ZC3H12C: variants seen among roughly 807,000 people sequenced by gnomAD.
ZC3H12C encodes probable ribonuclease ZC3H12C.
In ZC3H12C, 20 loss-of-function variants were observed where a neutral mutation model predicts 76.3. The observed-to-expected ratio is 0.26, with a 90% CI of 0.18 to 0.38. ZC3H12C has a LOEUF of 0.38. ZC3H12C is among the 10% of genes least tolerant of loss of function. ZC3H12C has a pLI of 1.00. For missense variants in ZC3H12C, 874 were observed against 1,086.5 expected (o/e 0.80, Z 2.75); for synonymous variants, 352 against 399.6 (o/e 0.88, Z 1.42).
At chr11:110,149,775 A>G (rs1470012074) in intron 2 of ZC3H12C, among the ~76,000 whole-genome samples, 2 of 152,174 alleles carry the variant, frequency 1.3e-5, no homozygotes, top group African/African-American at 2.4e-5. Context: ...TGTTCTGAGT[A>G]CTAACCTTCT....
intron 2 of ZC3H12C, among the ~76,000 whole-genome samples, chr11:110,137,941 A>T (rs910240934): frequency 1.5e-4 from 23 of 152,228 alleles, no homozygotes; most frequent in Admixed American, 5.2e-4. Context: ...TGGGGGGAAA[A>T]AAAAGCAAAA....
intron 1 of ZC3H12C, among the ~76,000 whole-genome samples, chr11:110,129,689 C>T (rs1861823869): frequency 6.6e-6 from 1 of 152,124 alleles, no homozygotes; most frequent in Non-Finnish European, 1.5e-5. Context: ...TTAATTTGCA[C>T]TGGAATGAAA....
intron 1 of ZC3H12C, among the ~76,000 whole-genome samples, chr11:110,098,911 G>A (rs966671324): frequency 3.3e-5 from 5 of 152,188 alleles, no homozygotes; most frequent in African/African-American, 7.2e-5. Context: ...AACCTAATAC[G>A]TGTCAATAGA....
At chr11:110,113,186 T>G (rs1464440429) in intron 1 of ZC3H12C, among the ~76,000 whole-genome samples, 1 of 152,088 alleles carries the variant, frequency 6.6e-6, no homozygotes, top group Non-Finnish European at 1.5e-5. Context: ...CTCCAAAGAG[T>G]CGATAGATAG....
chr11:110,165,750 C>G lies in ZC3H12C; in HGVS notation c.*13C>G. The G allele has an allele frequency of 3.8e-6, 6 of 1,559,106 alleles. No individual in the cohort carries two copies. Among genetic ancestry groups the G allele is most frequent in the Non-Finnish European group, 5.2e-6 (6 of 1,151,060 alleles). Reference sequence around the variant, plus strand: ...GCTGGGTTATTGAAAGATGATGCATCTTTGTGGTGTTTAGTAGTTTTTTGT... The same window carrying G: ...GCTGGGTTATTGAAAGATGATGCATGTTTGTGGTGTTTAGTAGTTTTTTGT... On this transcript the variant is annotated 3_prime_UTR_variant, in exon 6 of 6. Coordinates refer to ENST00000278590, the MANE Select transcript of ZC3H12C (RefSeq NM_033390.2).
At chr11:110,149,355 A>T (rs1862228046) in intron 2 of ZC3H12C, among the ~76,000 whole-genome samples, 1 of 152,216 alleles carries the variant, frequency 6.6e-6, no homozygotes, top group African/African-American at 2.4e-5. Flanking sequence ...TGGGAGGAGG[A>T]TGAAAGGCAG....
At chr11:110,139,518 C>T (rs1033079501) in intron 2 of ZC3H12C, among the ~76,000 whole-genome samples, 1 of 152,112 alleles carries the variant, frequency 6.6e-6, no homozygotes, top group Non-Finnish European at 1.5e-5. Flanking sequence ...GAAAGAATCT[C>T]GCCAAGTGTC....
At chr11:110,130,772 A>G (rs2134171045) in intron 1 of ZC3H12C, among the ~76,000 whole-genome samples, 1 of 152,316 alleles carries the variant, frequency 6.6e-6, no homozygotes, top group South Asian at 2.1e-4. Flanking sequence ...TCAGCTTTGT[A>G]TGGCCTATTG....
intron 1 of ZC3H12C, among the ~76,000 whole-genome samples, chr11:110,127,303 A>C (rs1273032462): frequency 6.6e-6 from 1 of 152,232 alleles, no homozygotes; most frequent in Non-Finnish European, 1.5e-5. Context: ...GTTAGTCTTT[A>C]ACACTTTTCA....
chr11:110,103,854 T>C (rs1042974670), intron 1 of ZC3H12C, among the ~76,000 whole-genome samples: 3 of 152,072 alleles, frequency 2.0e-5, no homozygotes, highest in Non-Finnish European at 4.4e-5. Flanking sequence ...CCGCCCGCCT[T>C]GGCCTCCCAA....
At chr11:110,161,033 G>A (rs1378854710) in intron 4 of ZC3H12C, among the ~76,000 whole-genome samples, 3 of 151,118 alleles carry the variant, frequency 2.0e-5, no homozygotes, top group Non-Finnish European at 4.4e-5. Flanking sequence ...TAGTAGAGAC[G>A]AGGTTTCACC....
rs147712373 is a variant in ZC3H12C at position 110,135,610 on chromosome 11, A to G, written c.22-1053A>G. Among the ~76,000 whole-genome samples, 1,094 of 152,236 alleles carry G rather than the reference A, an allele frequency of 7.2e-3. 15 individuals are homozygous for G. Among genetic ancestry groups the G allele is most frequent in the African/African-American group, 0.024 (1,015 of 41,538 alleles). On this transcript the variant is annotated intron_variant, in intron 1 of 5. Transcript: ENST00000278590. ...CTAGTAGAGAAATAACATTTCCAAT[A>G]GTCTTTAAGGAAAAATAGTAAAATG...
intron 1 of ZC3H12C, among the ~76,000 whole-genome samples, chr11:110,107,353 A>G (rs769011383): frequency 2.6e-5 from 4 of 151,698 alleles, no homozygotes; most frequent in Non-Finnish European, 5.9e-5. Context: ...TACAGTGTGT[A>G]CAAAACCATT....
intron 1 of ZC3H12C, among the ~76,000 whole-genome samples, chr11:110,123,872 G>T (rs1861692474): frequency 6.6e-6 from 1 of 152,262 alleles, no homozygotes; most frequent in Middle Eastern, 3.4e-3. Flanking sequence ...TCCATCCATA[G>T]AACTATTGGA....
chr11:110,150,106 T>A (rs1862244414), intron 2 of ZC3H12C, among the ~76,000 whole-genome samples: 1 of 152,180 alleles, frequency 6.6e-6, no homozygotes, highest in Non-Finnish European at 1.5e-5. Context: ...ATTTGCTAAA[T>A]AGTTCATCTT....
intron 1 of ZC3H12C, among the ~76,000 whole-genome samples, chr11:110,121,843 G>A (rs762671237): frequency 1.8e-4 from 28 of 152,192 alleles, no homozygotes; most frequent in South Asian, 4.1e-4. Flanking sequence ...TTTGCAGCTC[G>A]TTTTGGATTA....
At chr11:110,131,721 T>C (rs141406218) in intron 1 of ZC3H12C, 205 of 152,486 alleles carry the variant, frequency 1.3e-3, no homozygotes, top group South Asian at 2.3e-3. Context: ...AACTATTTTC[T>C]TCAAGAGTTC....
chr11:110,135,490 C>CAAAA (rs60107794), intron 1 of ZC3H12C, among the ~76,000 whole-genome samples: 11 of 95,232 alleles, frequency 1.2e-4, no homozygotes, highest in East Asian at 9.0e-4. Context: ...ACTCCCGTCT[C>CAAAA]AAAAAAAAAA....
chr11:110,148,183 A>G (rs1237299205), intron 2 of ZC3H12C, among the ~76,000 whole-genome samples: 1 of 152,184 alleles, frequency 6.6e-6, no homozygotes, highest in East Asian at 1.9e-4. Flanking sequence ...TTATTTCCTG[A>G]GATCCAGAGA....
Sources: gnomAD v4.1 joint callset for allele counts (sites outside exome capture counted in the v4.1 genomes callset) on GRCh38, gnomAD v4.1.1 for gene constraint, MANE v1.5 for transcripts, NCBI Gene and HGNC (gene_info 2026-07-23, HGNC 2026-07-21) for gene names.